The following ANK3 variants were observed in gnomAD, a reference collection of about 807,000 sequenced individuals.
ANK3 encodes the protein ankyrin-3.
A neutral mutation model predicts 370.9 loss-of-function variants in ANK3; 57 were observed. The ratio of observed to expected loss-of-function variants is 0.15; its 90% CI spans 0.12 to 0.19. ANK3 has a LOEUF of 0.19. Among genes scored for constraint, ANK3 ranks in the 10% least tolerant of loss-of-function variants. The pLI, the probability that ANK3 is intolerant of heterozygous loss-of-function variation, is 1.00. For synonymous variants in ANK3, 1,929 were observed against 1,946.3 expected (o/e 0.99, Z 0.23); for missense variants, 4,439 against 5,302.1 (o/e 0.84, Z 5.06).
chr10:60,211,880 A>C (rs922726982), intron 9 of ANK3, among the ~76,000 whole-genome samples: 3 of 137,280 alleles, frequency 2.2e-5, no homozygotes, highest in Non-Finnish European at 4.7e-5. Context: ...CCTTCATTGT[A>C]AAATACAGAG....
intron 2 of ANK3, among the ~76,000 whole-genome samples, chr10:60,610,241 T>C (rs1277409640): frequency 2.6e-5 from 4 of 152,106 alleles, no homozygotes; most frequent in South Asian, 4.1e-4. Flanking sequence ...TGTAGAAAGA[T>C]TGCTTCCTGC....
At chr10:60,059,636 C>T in intron 40 of ANK3, 3 of 1,530,936 alleles carry the variant, frequency 2.0e-6, no homozygotes, top group Middle Eastern at 3.5e-4. Context: ...GTTTTCTAGG[C>T]TCTGCTGGTT....
intron 2 of ANK3, among the ~76,000 whole-genome samples, chr10:60,587,478 G>T (rs764545794): frequency 6.6e-6 from 1 of 152,100 alleles, no homozygotes; most frequent in African/African-American, 2.4e-5. Context: ...AGAAATGGCT[G>T]ATTCAAGATC....
chr10:60,390,620 C>T (rs1339970565), upstream of ANK3, among the ~76,000 whole-genome samples: 4 of 151,784 alleles, frequency 2.6e-5, no homozygotes, highest in African/African-American at 9.7e-5. Context: ...TCTAATAAGT[C>T]GGGAGTCATT....
intron 25 of ANK3, among the ~76,000 whole-genome samples, chr10:60,124,657 T>C (rs2093666253): frequency 6.6e-6 from 1 of 152,216 alleles, no homozygotes; most frequent in Non-Finnish European, 1.5e-5. Context: ...TGTCTACGCA[T>C]CGATTCTTCC....
chr10:60,383,498 T>G (rs897783573), intron 1 of ANK3, among the ~76,000 whole-genome samples: 11 of 152,248 alleles, frequency 7.2e-5, no homozygotes, highest in African/African-American at 2.2e-4. Context: ...TTCACACTCT[T>G]AATCATTACA....
chr10:60,722,704 C>G (rs1228762278), intron 1 of ANK3, among the ~76,000 whole-genome samples: 1 of 152,188 alleles, frequency 6.6e-6, no homozygotes, highest in East Asian at 1.9e-4. Context: ...GGGGGCAGAT[C>G]CCTCATGAAG....
chr10:60,327,893 G>T (rs750416346), intron 1 of ANK3, among the ~76,000 whole-genome samples: 2 of 152,048 alleles, frequency 1.3e-5, no homozygotes, highest in Non-Finnish European at 2.9e-5. Context: ...ATCCAGGTTC[G>T]CATACTACTG....
chr10:60,485,031 C>T (rs2075314925), intron 2 of ANK3, among the ~76,000 whole-genome samples: 1 of 152,020 alleles, frequency 6.6e-6, no homozygotes, highest in Non-Finnish European at 1.5e-5. Flanking sequence ...TAATAAAGTA[C>T]CACTAATCTC....
chr10:60,598,627 C>A (rs2078020086), intron 2 of ANK3, among the ~76,000 whole-genome samples: 1 of 152,144 alleles, frequency 6.6e-6, no homozygotes, highest in South Asian at 2.1e-4. Context: ...CCAAAGAAAG[C>A]TTTGTAAAAC....
At chr10:60,522,399 G>A (rs1354547167) in intron 2 of ANK3, among the ~76,000 whole-genome samples, 1 of 150,406 alleles carries the variant, frequency 6.6e-6, no homozygotes, top group East Asian at 2.0e-4. Flanking sequence ...TTTCTGCTTG[G>A]AACATGGCCC....
At chr10:60,103,275 T>C (rs10994199) in intron 28 of ANK3, among the ~76,000 whole-genome samples, 26,112 of 152,132 alleles carry the variant, frequency 0.17, 3,260 homozygotes, top group African/African-American at 0.36. Flanking sequence ...TAAGGAAACC[T>C]TGAGTGACCT....
At chr10:60,165,442 C>T (rs1278082377) in intron 23 of ANK3, among the ~76,000 whole-genome samples, 1 of 152,154 alleles carries the variant, frequency 6.6e-6, no homozygotes, top group Non-Finnish European at 1.5e-5. Context: ...AAGCCTTTAG[C>T]ATTTATCAAA....
At chr10:60,677,380 A>G (rs2079138618) in intron 1 of ANK3, among the ~76,000 whole-genome samples, 1 of 152,238 alleles carries the variant, frequency 6.6e-6, no homozygotes, top group South Asian at 2.1e-4. Context: ...CTAGATTTAA[A>G]TCAGTACATG....
intron 28 of ANK3, among the ~76,000 whole-genome samples, chr10:60,105,489 A>G (rs1387263840): frequency 6.6e-6 from 1 of 152,230 alleles, no homozygotes; most frequent in Non-Finnish European, 1.5e-5. Flanking sequence ...GGATACTGAA[A>G]TTATCTGGGA....
chr10:60,086,595 G>C (rs1458261057), intron 30 of ANK3, 82 bp downstream of exon 30: 2 of 1,253,590 alleles, frequency 1.6e-6, no homozygotes, highest in Admixed American at 2.4e-5. Context: ...TATTTCAAAG[G>C]TTTTATATCT....
chr10:60,085,231 C>G lies in ANK3; in HGVS notation c.3771G>C (p.Trp1257Cys). 1 of 1,612,890 alleles carries G rather than the reference C, an allele frequency of 6.2e-7. No individual in the cohort carries two copies. Among genetic ancestry groups the G allele is most frequent in the East Asian group, 2.2e-5 (1 of 44,748 alleles). ...SITGGTSPAQ[W>C]EDITGTTPLT... ...AAGGAGTTGTTCCTGTGATGTCTTC[C>G]CACTGAGCAGGCGAAGTGCCCCCTG... is the stretch of plus-strand genomic sequence containing the variant. The change falls in exon 31 of 44, where the codon TGG becomes TGC. Residue 1257 changes from tryptophan to cysteine, a missense_variant. Coordinates refer to ENST00000280772, the MANE Select transcript of ANK3 (RefSeq NM_020987.5).
chr10:60,177,111 C>A (rs1027664797), intron 18 of ANK3, among the ~76,000 whole-genome samples: 1 of 152,174 alleles, frequency 6.6e-6, no homozygotes, highest in Non-Finnish European at 1.5e-5. Flanking sequence ...ATCTGAAACA[C>A]CTTGACAGTT....
chr10:60,063,303 C>A (rs1324404610), intron 39 of ANK3, 49 bp from the exon 40 acceptor site: 1 of 1,551,922 alleles, frequency 6.4e-7, no homozygotes, highest in South Asian at 1.2e-5. Flanking sequence ...TATGTTCTTT[C>A]AGTCAGCACA....
Sources: allele counts gnomAD v4.1 joint callset (sites outside exome capture counted in the v4.1 genomes callset), GRCh38; gene constraint gnomAD v4.1.1; transcripts MANE v1.5; gene names NCBI Gene and HGNC (gene_info 2026-07-23, HGNC 2026-07-21).